Variants in DST observed in about 807,000 individuals in gnomAD.
DST encodes the protein bullous pemphigoid antigen.
A neutral mutation model predicts 875.2 loss-of-function variants in DST; 253 were observed. The ratio of observed to expected loss-of-function variants is 0.29; its 90% CI spans 0.26 to 0.32. The LOEUF is 0.32. Ranked by LOEUF, DST falls within the 10% of genes least tolerant of loss-of-function variation. The pLI, the probability that DST is intolerant of heterozygous loss-of-function variation, is 1.00. For missense variants in DST, 8,287 were observed against 9,111.6 expected (o/e 0.91, Z 3.68); for synonymous variants, 3,124 against 3,197.1 (o/e 0.98, Z 0.77).
chr6:56,942,690 A>T (rs1592765557), intron 2 of DST, among the ~76,000 whole-genome samples: 2 of 145,524 alleles, frequency 1.4e-5, no homozygotes, highest in East Asian at 4.0e-4. Flanking sequence ...TATTTACTCT[A>T]ATATTTGCCA....
At chr6:56,799,199 A>G (rs2099743898) in intron 4 of DST, among the ~76,000 whole-genome samples, 1 of 152,172 alleles carries the variant, frequency 6.6e-6, no homozygotes, top group African/African-American at 2.4e-5. Context: ...AAATGCTAAC[A>G]GCATCACAGG....
At chr6:56,510,970 A>C (rs1387165450) in intron 73 of DST, among the ~76,000 whole-genome samples, 1 of 152,198 alleles carries the variant, frequency 6.6e-6, no homozygotes, top group African/African-American at 2.4e-5. Context: ...ACGTTTCTTA[A>C]GTCATTGAAA....
chr6:56,671,762 C>T (rs142718365), intron 9 of DST, among the ~76,000 whole-genome samples: 182 of 152,338 alleles, frequency 1.2e-3, no homozygotes, highest in African/African-American at 4.2e-3. Context: ...ACAAGACAGG[C>T]TGCACGCCAG....
chr6:56,503,873 T>G, intron 78 of DST, 124 bp downstream of exon 78: 1 of 613,672 alleles, frequency 1.6e-6, no homozygotes, highest in Non-Finnish European at 2.7e-6. Context: ...CTATGTACAT[T>G]AAACTAGCTT....
In DST at chr6:56,717,503, C is replaced by T. The variant is rs997594231; in HGVS notation, c.688-13134G>A. On this transcript the variant is annotated intron_variant, in intron 5 of 103. Transcript: ENST00000680361. ...CACCAGACTAAGGGATGAGAGGAGT[C>T]TAAATTCTGCTAAGGTACAGACATA... 2.6e-5 allele frequency among the ~76,000 whole-genome samples: 4 copies of T among 152,156 alleles called. No homozygotes were observed. In the South Asian group the frequency reaches 8.3e-4, roughly 32 times the overall value.
intron 78 of DST, 149 bp downstream of exon 78, chr6:56,503,848 T>C: frequency 2.0e-6 from 1 of 505,236 alleles, no homozygotes. Flanking sequence ...ATATATTGCT[T>C]AGCATGTGAA....
chr6:56,553,452 A>G lies in DST; in HGVS notation c.15340T>C (p.Tyr5114His). 2 of 1,606,906 alleles carry G rather than the reference A, an allele frequency of 1.2e-6. No individual in the cohort carries two copies. The highest frequency in any genetic ancestry group is 1.7e-6 in the Non-Finnish European group (2 of 1,177,784). ...TCACCTTCTGCAATGGTTTTTTCAT[A>G]CATATGAGACTGAGCGGTCAAAGTT... ...SKTLTAQSHMYEKTIAEGENL... is the reference protein window; with the variant it reads ...SKTLTAQSHMHEKTIAEGENL... Residue 5114 changes from tyrosine to histidine, a missense_variant, in exon 61 of 104, where the codon TAT (tyrosine) becomes CAT (histidine). Tyr to His is a moderately conservative substitution (Grantham distance 83). This residue lies in a region of DST where 1,513 missense variants were observed against 1,677.8 expected (regional missense o/e 0.90). Coordinates refer to ENST00000680361, the MANE Select transcript of DST (RefSeq NM_001374736.1).
rs1316322850 is a variant in DST at position 56,620,498 on chromosome 6, A to C, written c.4929+4032T>G. ...TATCTTCTGCAGAGAGATATCTTCT[A>C]CATTTCTCTGCTGCTTTCTCAATTC... is the stretch of plus-strand genomic sequence containing the variant. On this transcript the variant is annotated intron_variant, in intron 36 of 103. Transcript: ENST00000680361. 4 of 1,613,970 alleles carry C rather than the reference A, an allele frequency of 2.5e-6. No individual in the cohort carries two copies. The African/African-American group carries it at 5.3e-5, about 22-fold the overall frequency.
intron 4 of DST, among the ~76,000 whole-genome samples, chr6:56,738,584 T>C (rs1181059711): frequency 6.6e-6 from 1 of 152,062 alleles, no homozygotes; most frequent in Non-Finnish European, 1.5e-5. Flanking sequence ...CCTCCCAAAG[T>C]GCTGGGATTA....
chr6:56,878,789 C>T (rs773262234), intron 3 of DST, among the ~76,000 whole-genome samples: 6 of 152,118 alleles, frequency 3.9e-5, no homozygotes, highest in Non-Finnish European at 5.9e-5. Flanking sequence ...AAACCAACCA[C>T]GTCTTTTGCC....
intron 59 of DST, among the ~76,000 whole-genome samples, chr6:56,556,529 T>A (rs2097421764): frequency 6.6e-6 from 1 of 152,192 alleles, no homozygotes; most frequent in Non-Finnish European, 1.5e-5. Flanking sequence ...TCCCCAGATA[T>A]TTACTTTTAT....
rs988492393 is a variant in DST, at chr6:56,822,926, C to T, written c.625+28471G>A. Among the ~76,000 whole-genome samples the T allele has an allele frequency of 8.6e-5, 13 of 151,952 alleles. No individual in the cohort carries two copies. In the East Asian group the frequency reaches 2.5e-3, roughly 29 times the overall value. ...CACTGCAACCTCCGAATCCCGTGTT[C>T]AAGGAGAATCCTCCTGCCTCAGCCT... On this transcript the variant is annotated intron_variant, in intron 4 of 103. Coordinates refer to ENST00000680361, the MANE Select transcript of DST (RefSeq NM_001374736.1).
intron 49 of DST, among the ~76,000 whole-genome samples, chr6:56,583,608 C>T (rs1396283484): frequency 6.6e-6 from 1 of 152,134 alleles, no homozygotes; most frequent in Non-Finnish European, 1.5e-5. Flanking sequence ...TAATTAGATC[C>T]CATTTGTCAA....
At chr6:56,712,895 C>T (rs899086373) in intron 5 of DST, among the ~76,000 whole-genome samples, 2 of 152,102 alleles carry the variant, frequency 1.3e-5, no homozygotes, top group African/African-American at 4.8e-5. Flanking sequence ...TCTCTTGTAA[C>T]GTTATACCAA....
rs1563123256 is a variant in DST at position 56,605,152 on chromosome 6, G to A, written c.9476C>T (p.Ser3159Leu). ...ISDDITSDIT[S>L]WEGNTHFEES... Reference sequence around the variant, plus strand: ...CTCAAAATGTGTATTCCCTTCCCACGATGTAATGTCTGAAGTAATGTCATC... The same window carrying A: ...CTCAAAATGTGTATTCCCTTCCCACAATGTAATGTCTGAAGTAATGTCATC... The change falls in exon 40 of 104, where the codon TCG becomes TTG. Residue 3159 changes from serine to leucine, a missense_variant. Ser to Leu is a moderately radical substitution (Grantham distance 145). Around this residue, in one of 10 missense-constraint regions of DST, gnomAD observed 3,138 missense variants for 3,116.6 expected, o/e 1.01. Transcript: ENST00000680361. 8 of 1,612,186 alleles carry A rather than the reference G, an allele frequency of 5.0e-6. No homozygotes were observed. Among genetic ancestry groups the A allele is most frequent in the Non-Finnish European group, 5.1e-6 (6 of 1,179,044 alleles).
At chr6:56,541,952 C>A (rs1228261253) in intron 61 of DST, among the ~76,000 whole-genome samples, 1 of 152,192 alleles carries the variant, frequency 6.6e-6, no homozygotes, top group Non-Finnish European at 1.5e-5. Flanking sequence ...ATTGTCAGTC[C>A]ATTTCCCTTT....
intron 10 of DST, among the ~76,000 whole-genome samples, chr6:56,669,630 T>C (rs950113839): frequency 3.3e-5 from 5 of 151,920 alleles, no homozygotes; most frequent in African/African-American, 1.2e-4. Flanking sequence ...GTATATAATT[T>C]TCAATAAATA....
chr6:56,602,381 G>A (rs933838751), intron 43 of DST, among the ~76,000 whole-genome samples: 2 of 152,000 alleles, frequency 1.3e-5, no homozygotes, highest in East Asian at 3.9e-4. Flanking sequence ...TGCTGTAGAG[G>A]TTTGTAGCCT....
intron 10 of DST, among the ~76,000 whole-genome samples, 180 bp from the exon 11 acceptor site, chr6:56,651,424 C>A (rs141511746): frequency 2.0e-5 from 3 of 152,092 alleles, no homozygotes; most frequent in Admixed American, 2.0e-4. Flanking sequence ...ACTTCTGTAT[C>A]GAAAGCAAAT....
Sources: gnomAD v4.1 joint callset for allele counts (sites outside exome capture counted in the v4.1 genomes callset) on GRCh38, gnomAD v4.1.1 for gene constraint, gnomAD v4.1.1 regional missense constraint, MANE v1.5 for transcripts, NCBI Gene and HGNC (gene_info 2026-07-23, HGNC 2026-07-21) for gene names.